The following DHX36 variants were observed in gnomAD, a reference collection of about 807,000 sequenced individuals.
DHX36 encodes the protein DEAH-box helicase 36, also known as ATP-dependent DNA/RNA helicase DHX36.
DHX36 carries 50 observed loss-of-function variants against 139.0 expected under a neutral mutation model. The ratio of observed to expected loss-of-function variants is 0.36; its 90% CI spans 0.29 to 0.46. The LOEUF (loss-of-function observed/expected upper bound fraction) is 0.46, where lower values mean the gene tolerates loss of function less well. Ranked by LOEUF, DHX36 falls within the 20% of genes least tolerant of loss-of-function variation. DHX36 has a pLI of 1.00. For missense variants in DHX36, 1,024 were observed against 1,211.3 expected, an observed-to-expected ratio of 0.85 and a Z score of 2.29; for synonymous variants, 425 against 401.9, an observed-to-expected ratio of 1.06 and a Z score of -0.69.
intron 12 of DHX36, among the ~76,000 whole-genome samples, chr3:154,297,217 T>C (rs16823854): frequency 0.035 from 5,392 of 152,164 alleles, 322 homozygotes; most frequent in African/African-American, 0.12. Flanking sequence ...TTCAGAAAAA[T>C]GGGAAAATCT....
In DHX36 at chr3:154,273,564, T is replaced by A. The variant is rs1025335036; in HGVS notation, c.*2607A>T. On this transcript the variant is annotated 3_prime_UTR_variant, in exon 25 of 25. Transcript: ENST00000496811. The stretch of plus-strand genomic sequence containing the variant: ...TTACAGAGCAAGAAAGACCAGATGG[T>A]CACCTCGACGTTAGAGGCAAAACCA... 1 of 152,204 alleles carries A rather than the reference T, an allele frequency of 6.6e-6. No homozygotes were observed. The highest frequency in any genetic ancestry group is 6.5e-5 in the Admixed American group (1 of 15,272). 9.4% of individuals were successfully genotyped at this position (152,204 alleles called of 1,614,324 possible). A position where few individuals can be genotyped will look rare whatever the true frequency, so the allele number is the denominator to read the frequency against.
At chr3:154,306,871 ATACTT>A (rs930415198) in intron 5 of DHX36, among the ~76,000 whole-genome samples, 3 of 152,184 alleles carry the variant, frequency 2.0e-5, no homozygotes, top group Non-Finnish European at 2.9e-5. Context: ...GTAAGAAATA[ATACTT>A]TACAAGTAAA....
intron 5 of DHX36, among the ~76,000 whole-genome samples, chr3:154,307,671 T>A (rs1712555803): frequency 6.6e-6 from 1 of 151,996 alleles, no homozygotes; most frequent in South Asian, 2.1e-4. Flanking sequence ...TTGGTAGGAA[T>A]GCAAATTAGC....
chr3:154,283,711 A>T (rs1369864052), intron 19 of DHX36, among the ~76,000 whole-genome samples: 1 of 152,102 alleles, frequency 6.6e-6, no homozygotes, highest in Non-Finnish European at 1.5e-5. Flanking sequence ...AGACAAAAAA[A>T]CATGAACTTT....
intron 3 of DHX36, chr3:154,314,703 C>A (rs777323535): frequency 4.5e-5 from 8 of 175,942 alleles, no homozygotes; most frequent in Non-Finnish European, 7.1e-5. Context: ...ATTAAGTAAT[C>A]TGGAACAAGC....
intron 22 of DHX36, chr3:154,278,437 C>G (rs1304610702): frequency 6.6e-6 from 1 of 151,474 alleles, no homozygotes; most frequent in African/African-American, 2.4e-5. Context: ...TAATAATCCA[C>G]TAATCTTTCC....
intron 15 of DHX36, 46 bp downstream of exon 15, chr3:154,292,505 A>G (rs1711862326): frequency 3.7e-6 from 6 of 1,608,452 alleles, no homozygotes; most frequent in Middle Eastern, 1.6e-4. Flanking sequence ...TTGTTACACA[A>G]AATTTTTGTG....
intron 15 of DHX36, among the ~76,000 whole-genome samples, chr3:154,290,442 C>G (rs966007135): frequency 1.3e-5 from 2 of 151,628 alleles, no homozygotes; most frequent in Non-Finnish European, 2.9e-5. Flanking sequence ...TTGAGACCAG[C>G]CTGGCCAACA....
intron 15 of DHX36, among the ~76,000 whole-genome samples, chr3:154,291,542 T>C (rs986188831): frequency 6.6e-6 from 1 of 152,224 alleles, no homozygotes; most frequent in African/African-American, 2.4e-5. Flanking sequence ...TATACTTCTT[T>C]GACTAAACCA....
Position 154,300,696 on chromosome 3 carries a change from C to G in DHX36, c.1359G>C (p.Arg453Ser). The change falls in exon 11 of 25, where the codon AGG becomes AGC. Residue 453 changes from arginine (R) to serine (S), a missense_variant and splice_region_variant. Transcript: ENST00000496811. ...WPDYVRELRRRYSASTVDVIE... is the reference protein window; with the variant it reads ...WPDYVRELRRSYSASTVDVIE... ...TAACATCTACAGTACTTGCAGAATA[C>G]CTATCAAAGTTAAACACAAAGTCAT... 2 of 1,602,616 alleles carry G rather than the reference C, an allele frequency of 1.2e-6. No individual in the cohort carries two copies. The highest frequency in any genetic ancestry group is 1.7e-6 in the Non-Finnish European group (2 of 1,173,034).
At chr3:154,299,986 A>C (rs944231382) in intron 11 of DHX36, 61 bp from the exon 12 acceptor site, 2 of 1,127,898 alleles carry the variant, frequency 1.8e-6, no homozygotes, top group Middle Eastern at 2.0e-4. Flanking sequence ...GTAACAGTAA[A>C]ATTGTGTGCA....
In DHX36 at chr3:154,324,462, T is replaced by G; in HGVS notation, c.-46A>C. 3 of 1,443,278 alleles carry G rather than the reference T, an allele frequency of 2.1e-6. No homozygotes were observed. The highest frequency in any genetic ancestry group is 5.4e-5 in the Admixed American group (2 of 36,898). 89.4% of individuals were successfully genotyped at this position (1,443,278 alleles called of 1,614,324 possible). A position where few individuals can be genotyped will look rare whatever the true frequency, so the allele number is the denominator to read the frequency against. On this transcript the variant is annotated 5_prime_UTR_variant, in exon 1 of 25. Transcript: ENST00000496811. Reference sequence around the variant, plus strand: ...CGTCAGAACCAGCAACCGCTGGAAATGGCGTCCGGGCCCGGAAGCCACTGT... The same window carrying G: ...CGTCAGAACCAGCAACCGCTGGAAAGGGCGTCCGGGCCCGGAAGCCACTGT...
Position 154,276,272 on chromosome 3 carries a change from C to T in DHX36, c.2926G>A (p.Asp976Asn). ...ATAATAGCTGACAGTACTGCACAGT[C>T]TCTGGATTTAGTGTCATTCCAGTCT... ...PVDWNDTKSR[D>N]CAVLSAIIDL... Residue 976 changes from aspartate to asparagine, a missense_variant, in exon 25 of 25, where the codon GAC becomes AAC. Physicochemically the swap from Asp to Asn is conservative, Grantham distance 23 (BLOSUM62 1). This residue lies in a region of DHX36 where 470 missense variants were observed against 616.2 expected (regional missense o/e 0.76). Coordinates refer to ENST00000496811, the MANE Select transcript of DHX36 (RefSeq NM_020865.3). 6.2e-7 allele frequency: 1 copy of T among 1,613,898 alleles called. No individual in the cohort carries two copies. Among genetic ancestry groups the T allele is most frequent in the Admixed American group, 1.7e-5 (1 of 60,014 alleles).
chr3:154,301,070 C>T lies in DHX36; in HGVS notation c.1275G>A (p.Gly425=), dbSNP rs543005848. ...RSQFKRGFMQ[G]HVNRQEKEEK... ...CTTCTTTTTCTTGTCTATTTACATG[C>T]CCTTGCATGAAACCCCTCTTAAACT... is the stretch of plus-strand genomic sequence containing the variant. The change falls in exon 10 of 25, where the codon GGG becomes GGA. Residue 425 remains glycine, a synonymous_variant. Transcript: ENST00000496811. 3.7e-6 allele frequency: 6 copies of T among 1,612,828 alleles called. No homozygotes were observed. In the South Asian group the frequency reaches 4.4e-5, roughly 12 times the overall value.
intron 3 of DHX36, among the ~76,000 whole-genome samples, chr3:154,314,013 TAC>T (rs1401334239): frequency 6.6e-6 from 1 of 152,234 alleles, no homozygotes; most frequent in Non-Finnish European, 1.5e-5. Context: ...TTAAATGTTT[TAC>T]ACATTTTTCT....
chr3:154,285,246 TTC>T (rs1331038779), intron 17 of DHX36, among the ~76,000 whole-genome samples: 5 of 152,298 alleles, frequency 3.3e-5, no homozygotes, highest in African/African-American at 1.2e-4. Context: ...ATGACAAACT[TTC>T]TGTTAAATAA....
rs751497588 is a variant in DHX36, at chr3:154,276,276, G to A, written c.2922C>T (p.Ser974=). 1.2e-6 allele frequency: 2 copies of A among 1,613,814 alleles called. No individual in the cohort carries two copies. Among genetic ancestry groups the A allele is most frequent in the African/African-American group, 1.3e-5 (1 of 74,992 alleles). The part of the protein sequence containing the change: ...PHPVDWNDTK[S]RDCAVLSAII... ...TAGCTGACAGTACTGCACAGTCTCT[G>A]GATTTAGTGTCATTCCAGTCTACAG... is the stretch of plus-strand genomic sequence containing the variant. The change falls in exon 25 of 25, where the codon TCC becomes TCT. Residue 974 remains serine (S), a synonymous_variant. Coordinates refer to ENST00000496811, the MANE Select transcript of DHX36 (RefSeq NM_020865.3).
Position 154,272,618 on chromosome 3 carries a change from T to C in DHX36, c.*3553A>G, listed in dbSNP as rs1299897549. 1 of 151,458 alleles carries C rather than the reference T, an allele frequency of 6.6e-6. No homozygotes were observed. The highest frequency in any genetic ancestry group is 2.4e-5 in the African/African-American group (1 of 41,314). 9.4% of individuals were successfully genotyped at this position (151,458 alleles called of 1,614,324 possible). On this transcript the variant is annotated 3_prime_UTR_variant, in exon 25 of 25. Coordinates refer to ENST00000496811, the MANE Select transcript of DHX36 (RefSeq NM_020865.3). The stretch of plus-strand genomic sequence containing the variant: ...TATAAAATAATACCTAAAGTTTATA[T>C]ATATCAAAATGGAACAATGGTAACA...
chr3:154,314,691 G>T (rs73872811), intron 3 of DHX36: 1,750 of 168,984 alleles, frequency 0.01, 32 homozygotes, highest in African/African-American at 0.04. Flanking sequence ...AAAAGAAGAT[G>T]TATTAAGTAA....
Sources: gnomAD v4.1 joint callset for allele counts (sites outside exome capture counted in the v4.1 genomes callset) on GRCh38, gnomAD v4.1.1 for gene constraint, gnomAD v4.1.1 regional missense constraint, MANE v1.5 for transcripts, NCBI Gene and HGNC (gene_info 2026-07-23, HGNC 2026-07-21) for gene names.